MAP2K1: variants seen among roughly 807,000 people sequenced by gnomAD.
MAP2K1 encodes the protein dual specificity mitogen-activated protein kinase kinase 1.
Under a neutral mutation model 46.3 loss-of-function variants are expected in MAP2K1, and 16 were observed. That is an observed-to-expected ratio of 0.35 (90% CI 0.23 to 0.52). MAP2K1 has a LOEUF of 0.52. Among genes scored for constraint, MAP2K1 ranks in the 20% least tolerant of loss-of-function variants. MAP2K1 has a pLI of 0.94. For missense variants in MAP2K1, 263 were observed against 497.1 expected (o/e 0.53, Z 4.48); for synonymous variants, 183 against 185.6 (o/e 0.99, Z 0.11).
At chr15:66,449,006 A>G (rs1248053925) in intron 5 of MAP2K1, among the ~76,000 whole-genome samples, 1 of 146,456 alleles carries the variant, frequency 6.8e-6, no homozygotes, top group Non-Finnish European at 1.5e-5. Context: ...ACTGTCTCAA[A>G]AAAAAAAAAA....
At chr15:66,459,324 A>G (rs1486048378) in intron 5 of MAP2K1, among the ~76,000 whole-genome samples, 1 of 150,484 alleles carries the variant, frequency 6.6e-6, no homozygotes, top group Non-Finnish European at 1.5e-5. Flanking sequence ...AAAAAAAAAA[A>G]AATGTTTTTG....
chr15:66,475,291 T>TA (rs1892729766), intron 5 of MAP2K1, among the ~76,000 whole-genome samples: 1 of 152,170 alleles, frequency 6.6e-6, no homozygotes, highest in Non-Finnish European at 1.5e-5. Context: ...TTGCCAAGGA[T>TA]ACTAAGAAGA....
chr15:66,434,892 G>A (rs112845994), intron 1 of MAP2K1, 135 bp from the exon 2 acceptor site: 22 of 735,042 alleles, frequency 3.0e-5, no homozygotes, highest in African/African-American at 1.4e-4. Context: ...CAGTGGGAGG[G>A]GGCCTCCTCT....
At chr15:66,481,087 G>A (rs1293215039) in intron 5 of MAP2K1, among the ~76,000 whole-genome samples, 1 of 152,144 alleles carries the variant, frequency 6.6e-6, no homozygotes, top group Non-Finnish European at 1.5e-5. Context: ...TGACTCTGAG[G>A]AGCAGCTTTA....
At chr15:66,412,504 G>T (rs964305886) in intron 1 of MAP2K1, among the ~76,000 whole-genome samples, 8 of 152,162 alleles carry the variant, frequency 5.3e-5, no homozygotes, top group Non-Finnish European at 1.2e-4. Flanking sequence ...TGTAGCTCTT[G>T]ACTCCATTTC....
intron 5 of MAP2K1, among the ~76,000 whole-genome samples, chr15:66,466,782 TAAA>T (rs1892480392): frequency 6.6e-6 from 1 of 152,074 alleles, no homozygotes; most frequent in Non-Finnish European, 1.5e-5. Flanking sequence ...AGCAAAAAAA[TAAA>T]AAAGATTACT....
intron 5 of MAP2K1, among the ~76,000 whole-genome samples, chr15:66,478,769 G>A (rs1016968023): frequency 6.6e-6 from 1 of 151,838 alleles, no homozygotes; most frequent in African/African-American, 2.4e-5. Flanking sequence ...GAGCCACTGC[G>A]CCTGGCTGGG....
intron 1 of MAP2K1, among the ~76,000 whole-genome samples, chr15:66,411,177 C>A (rs2093410531): frequency 2.0e-5 from 3 of 152,056 alleles, no homozygotes; most frequent in South Asian, 4.2e-4. Context: ...AAATGCGAAT[C>A]CTGCCTGGAT....
At position 66,414,856 on chromosome 15, in the gene MAP2K1, C is replaced by T. The variant is rs577114309; in HGVS notation, c.81-20171C>T. 2.1e-4 allele frequency: 52 copies of T among 250,190 alleles called. 1 individual carries two copies. Among genetic ancestry groups the T allele is most frequent in the South Asian group, 1.9e-3 (47 of 24,594 alleles). The allele number at this position is 250,190 out of a possible 1,614,324, so 15.5% of individuals were successfully genotyped here. On this transcript the variant is annotated intron_variant, in intron 1 of 10. Transcript: ENST00000307102. ...ATTAGGATATGAAAGGATTCAGCAA[C>T]GATCGAGACTGTGTTCCTTATGGAG...
At chr15:66,455,526 T>A (rs775643183) in intron 5 of MAP2K1, among the ~76,000 whole-genome samples, 4 of 152,222 alleles carry the variant, frequency 2.6e-5, no homozygotes, top group Non-Finnish European at 5.9e-5. Context: ...TGAGGAAGAT[T>A]AGCTGTTTTC....
chr15:66,421,083 TACACAC>T (rs1298798305), intron 1 of MAP2K1, among the ~76,000 whole-genome samples: 12 of 75,506 alleles, frequency 1.6e-4, no homozygotes, highest in Non-Finnish European at 2.4e-4. Flanking sequence ...TATATACACA[TACACAC>T]ACATACACAC....
chr15:66,420,763 GTGTGTA>G lies in MAP2K1; in HGVS notation c.81-14262_81-14257del, dbSNP rs1567003021. Among the ~76,000 whole-genome samples the G allele has an allele frequency of 6.9e-5, 3 of 43,656 alleles. 1 individual carries two copies. Among genetic ancestry groups the G allele is most frequent in the Non-Finnish European group, 1.6e-4 (3 of 19,168 alleles). 28.6% of individuals were successfully genotyped at this position (43,656 alleles called of 152,430 possible). On this transcript the variant is annotated intron_variant, in intron 1 of 10. Transcript: ENST00000307102. ...TGTGTGTGTGTGTGTGTGTGTGTAT[GTGTGTA>G]TATATATGTGTATATATATGTGTGT...
intron 1 of MAP2K1, among the ~76,000 whole-genome samples, chr15:66,410,083 A>C (rs1372847186): frequency 6.6e-6 from 1 of 152,248 alleles, no homozygotes; most frequent in Non-Finnish European, 1.5e-5. Flanking sequence ...CTCAGTTGTC[A>C]GATGGCTGGT....
intron 1 of MAP2K1, among the ~76,000 whole-genome samples, chr15:66,413,956 T>C (rs560267073): frequency 8.1e-6 from 1 of 123,128 alleles, no homozygotes; most frequent in African/African-American, 2.8e-5. Context: ...GTGAAGGGAC[T>C]TTTTTTTTTT....
At chr15:66,426,997 T>A (rs1480945590) in intron 1 of MAP2K1, among the ~76,000 whole-genome samples, 1 of 152,220 alleles carries the variant, frequency 6.6e-6, no homozygotes, top group African/African-American at 2.4e-5. Flanking sequence ...TTGACGATGA[T>A]CTCATTTTGT....
chr15:66,472,952 C>T (rs929764100), intron 5 of MAP2K1, among the ~76,000 whole-genome samples: 8 of 152,324 alleles, frequency 5.3e-5, no homozygotes, highest in Admixed American at 5.2e-4. Context: ...TTAACACCCA[C>T]CTCACTACCT....
At chr15:66,437,013 T>C in intron 3 of MAP2K1, 121 bp downstream of exon 3, 1 of 1,001,706 alleles carries the variant, frequency 1.0e-6, no homozygotes, top group Non-Finnish European at 1.6e-6. Flanking sequence ...CACATCACTA[T>C]CTGGGGCATC....
Position 66,469,472 on chromosome 15 carries a change from C to CTTTTTTTTTTT in MAP2K1, c.569-12266_569-12256dup, listed in dbSNP as rs370379739. 1.0e-3 allele frequency among the ~76,000 whole-genome samples: 78 copies of CTTTTTTTTTTT among 76,634 alleles called. 4 individuals are homozygous for CTTTTTTTTTTT. The highest frequency in any genetic ancestry group is 3.9e-3 in the African/African-American group (71 of 18,006). 50.3% of individuals were successfully genotyped at this position (76,634 alleles called of 152,430 possible). ...TCCCCCAAAGGGAGTCTGGTGCCTC[C>CTTTTTTTTTTT]TTTTTTTTTTTTTTTTTTTTTTTTT... On this transcript the variant is annotated intron_variant, in intron 5 of 10. Transcript: ENST00000307102.
chr15:66,445,891 A>G (rs1891854749), intron 5 of MAP2K1, among the ~76,000 whole-genome samples: 1 of 151,746 alleles, frequency 6.6e-6, no homozygotes, highest in African/African-American at 2.4e-5. Context: ...TTTCAAGAGC[A>G]CACATCCACT....
Sources: allele counts gnomAD v4.1 joint callset (sites outside exome capture counted in the v4.1 genomes callset), GRCh38; gene constraint gnomAD v4.1.1; transcripts MANE v1.5; gene names NCBI Gene and HGNC (gene_info 2026-07-23, HGNC 2026-07-21).